Variants in NIBAN1 observed in about 807,000 individuals in gnomAD.
The protein encoded by NIBAN1 is protein Niban 1.
In NIBAN1, 81 loss-of-function variants were observed where a neutral mutation model predicts 75.1. The ratio of observed to expected loss-of-function variants is 1.08; its 90% confidence interval spans 0.90 to 1.30. The LOEUF (loss-of-function observed/expected upper bound fraction) is 1.30. Among genes scored for constraint, NIBAN1 ranks in the 50% most tolerant of loss-of-function variants. The pLI is 0.00. For missense variants in NIBAN1, 1,133 were observed against 1,128.1 expected (o/e 1.00, Z -0.06); for synonymous variants, 436 against 424.8 (o/e 1.03, Z -0.32).
At chr1:184,810,844 T>C (rs902422797) in intron 9 of NIBAN1, among the ~76,000 whole-genome samples, 1 of 152,120 alleles carries the variant, frequency 6.6e-6, no homozygotes, top group Non-Finnish European at 1.5e-5. Flanking sequence ...TTGGCTGAAG[T>C]TTTTCTTTTA....
intron 9 of NIBAN1, among the ~76,000 whole-genome samples, chr1:184,814,907 A>G (rs758327386): frequency 2.0e-5 from 3 of 152,198 alleles, no homozygotes; most frequent in Non-Finnish European, 2.9e-5. Flanking sequence ...TAGGACAGCC[A>G]CCTTGTCCTT....
chr1:184,865,264 G>C (rs958662548), intron 5 of NIBAN1, among the ~76,000 whole-genome samples: 4 of 152,194 alleles, frequency 2.6e-5, no homozygotes, highest in African/African-American at 9.6e-5. Context: ...TACACAATGG[G>C]ATACTACACA....
intron 2 of NIBAN1, among the ~76,000 whole-genome samples, chr1:184,898,408 A>C (rs1656860673): frequency 6.6e-6 from 1 of 152,162 alleles, no homozygotes; most frequent in African/African-American, 2.4e-5. Context: ...TGAGGTCAGG[A>C]GTTCAAGACC....
intron 1 of NIBAN1, among the ~76,000 whole-genome samples, chr1:184,912,273 C>T (rs1299488212): frequency 8.5e-5 from 13 of 152,134 alleles, no homozygotes; most frequent in Non-Finnish European, 1.9e-4. Flanking sequence ...GGACCTCTCA[C>T]ATATTTCCTC....
intron 8 of NIBAN1, among the ~76,000 whole-genome samples, chr1:184,819,629 A>G (rs1654635944): frequency 6.6e-6 from 1 of 152,212 alleles, no homozygotes; most frequent in African/African-American, 2.4e-5. Flanking sequence ...AATGGAGTGA[A>G]GGAGGCCGGA....
chr1:184,893,964 C>T, intron 3 of NIBAN1, 111 bp downstream of exon 3: 1 of 1,104,750 alleles, frequency 9.1e-7, no homozygotes, highest in Non-Finnish European at 1.3e-6. Flanking sequence ...TGTACCAGTA[C>T]CATGCTGATT....
At position 184,974,374 on chromosome 1, in the gene NIBAN1, G is replaced by T. The variant is rs1357361198; in HGVS notation, c.-18C>A. ...CCGCCCATGACCGCGAGCTGCCTGT[G>T]CTGAGCGCGGAAACTGCCCGGTCCG... On this transcript the variant is annotated 5_prime_UTR_variant, in exon 1 of 14. Transcript: ENST00000367511. 6.5e-7 allele frequency: 1 copy of T among 1,548,038 alleles called. No individual in the cohort carries two copies. The highest frequency in any genetic ancestry group is 1.2e-5 in the South Asian group (1 of 84,556).
intron 1 of NIBAN1, among the ~76,000 whole-genome samples, chr1:184,930,420 G>A (rs1657789283): frequency 6.6e-6 from 1 of 152,130 alleles, no homozygotes; most frequent in East Asian, 1.9e-4. Flanking sequence ...CTCCTGGCAG[G>A]TTTCCCACAT....
intron 11 of NIBAN1, among the ~76,000 whole-genome samples, chr1:184,803,923 C>A (rs764183184): frequency 1.3e-5 from 2 of 152,116 alleles, no homozygotes; most frequent in African/African-American, 4.8e-5. Context: ...GAAACTGAGG[C>A]AAGATCAAAA....
chr1:184,822,683 G>T (rs577059158), intron 8 of NIBAN1, among the ~76,000 whole-genome samples: 1 of 152,132 alleles, frequency 6.6e-6, no homozygotes, highest in Non-Finnish European at 1.5e-5. Flanking sequence ...AGGGTGACTG[G>T]GTATGACTCC....
At chr1:184,857,974 T>C (rs187932998) in intron 5 of NIBAN1, among the ~76,000 whole-genome samples, 5 of 151,642 alleles carry the variant, frequency 3.3e-5, no homozygotes, top group Non-Finnish European at 7.4e-5. Flanking sequence ...TTGAGGAAAT[T>C]AGAAATATAA....
intron 6 of NIBAN1, 62 bp from the exon 7 acceptor site, chr1:184,823,804 C>A: frequency 1.4e-6 from 2 of 1,425,320 alleles, no homozygotes; most frequent in Non-Finnish European, 2.0e-6. Flanking sequence ...GAGCATCAGG[C>A]CAACTAAAAA....
At chr1:184,877,221 C>G (rs1656256726) in intron 5 of NIBAN1, among the ~76,000 whole-genome samples, 1 of 151,980 alleles carries the variant, frequency 6.6e-6, no homozygotes, top group Non-Finnish European at 1.5e-5. Context: ...GAATATAATA[C>G]TGAACAAAAA....
chr1:184,934,948 C>T (rs1657917125), intron 1 of NIBAN1, among the ~76,000 whole-genome samples: 1 of 151,968 alleles, frequency 6.6e-6, no homozygotes, highest in Non-Finnish European at 1.5e-5. Flanking sequence ...CATGCACCTG[C>T]AGTGCCAGCT....
intron 1 of NIBAN1, among the ~76,000 whole-genome samples, chr1:184,910,649 A>G (rs1192810592): frequency 6.6e-6 from 1 of 152,172 alleles, no homozygotes; most frequent in Non-Finnish European, 1.5e-5. Flanking sequence ...AAATTTAGGC[A>G]AAAAGATGTT....
At position 184,822,844 on chromosome 1, in the gene NIBAN1, C is replaced by T. The variant is rs1260084702; in HGVS notation, c.985+323G>A. Among the ~76,000 whole-genome samples the T allele has an allele frequency of 5.3e-5, 8 of 152,136 alleles. No homozygotes were observed. In the East Asian group the frequency reaches 5.8e-4, roughly 11 times the overall value. ...CATGGCTCTGCTCTTTGAGAGCTTACGGCAGAGAGGAGGTGGAGCAGAAGC... is the reference window on the plus strand; with the variant it reads ...CATGGCTCTGCTCTTTGAGAGCTTATGGCAGAGAGGAGGTGGAGCAGAAGC... On this transcript the variant is annotated intron_variant, in intron 8 of 13. Transcript: ENST00000367511.
intron 10 of NIBAN1, among the ~76,000 whole-genome samples, chr1:184,807,407 G>A (rs1203841594): frequency 2.0e-5 from 3 of 151,916 alleles, no homozygotes; most frequent in Non-Finnish European, 4.4e-5. Flanking sequence ...TCTTAATTAC[G>A]TTAGGGAATT....
chr1:184,914,156 C>A (rs1054981966), intron 1 of NIBAN1, among the ~76,000 whole-genome samples: 1 of 152,220 alleles, frequency 6.6e-6, no homozygotes, highest in African/African-American at 2.4e-5. Flanking sequence ...GCACAAGATT[C>A]TACTTCAGAA....
intron 12 of NIBAN1, among the ~76,000 whole-genome samples, chr1:184,801,259 C>T (rs903069647): frequency 4.6e-5 from 7 of 152,068 alleles, no homozygotes; most frequent in Admixed American, 1.3e-4. Flanking sequence ...CAGATCACAG[C>T]GGGTAATAAT....
Sources: gnomAD v4.1 joint callset for allele counts (sites outside exome capture counted in the v4.1 genomes callset) on GRCh38, gnomAD v4.1.1 for gene constraint, MANE v1.5 for transcripts, NCBI Gene and HGNC (gene_info 2026-07-23, HGNC 2026-07-21) for gene names.